The following SMARCC1 variants were observed in gnomAD, a reference collection of about 807,000 sequenced individuals.
SMARCC1 encodes SWI/SNF complex subunit SMARCC1.
Under a neutral mutation model 147.4 loss-of-function variants are expected in SMARCC1, and 43 were observed. That is an observed-to-expected ratio of 0.29 (90% confidence interval 0.23 to 0.38). SMARCC1 has a LOEUF of 0.38. SMARCC1 is among the 10% of genes least tolerant of loss of function. The probability of loss-of-function intolerance (pLI) is 1.00; values close to 1 mark genes in which losing one functional copy is unlikely to be tolerated. For synonymous variants in SMARCC1, 495 were observed against 484.4 expected, an observed-to-expected ratio of 1.02 and a Z score of -0.29; for missense variants, 1,119 against 1,381.1, an observed-to-expected ratio of 0.81 and a Z score of 3.01.
At chr3:47,597,129 C>T (rs895693541) in intron 26 of SMARCC1, among the ~76,000 whole-genome samples, 18 of 139,356 alleles carry the variant, frequency 1.3e-4, no homozygotes, top group African/African-American at 4.6e-4. Flanking sequence ...CTAGCCTGGG[C>T]GACAGGGCGA....
At chr3:47,709,133 T>C (rs1373576355) in intron 9 of SMARCC1, among the ~76,000 whole-genome samples, 1 of 151,940 alleles carries the variant, frequency 6.6e-6, no homozygotes. Flanking sequence ...TGGTGGCACG[T>C]GCCTGTAATC....
rs773029245 is a variant in SMARCC1, at chr3:47,706,423, C to T, written c.1026G>A (p.Lys342=). The stretch of plus-strand genomic sequence containing the variant: ...ATAGTTCTTACCCTTTCTTCCCACT[C>T]TTCTTCCGTGATTCTGTTGGTGTCG... ...PPPTPTESRK[K]SGKKGQASLY... Residue 342 remains lysine, a synonymous_variant, in exon 10 of 28, where the codon AAG becomes AAA. Transcript: ENST00000254480. 1 of 1,574,284 alleles carries T rather than the reference C, an allele frequency of 6.4e-7. No individual in the cohort carries two copies. The highest frequency in any genetic ancestry group is 8.6e-7 in the Non-Finnish European group (1 of 1,165,028).
At chr3:47,683,860 A>C (rs954658615) in intron 14 of SMARCC1, among the ~76,000 whole-genome samples, 12 of 152,210 alleles carry the variant, frequency 7.9e-5, no homozygotes, top group Non-Finnish European at 1.8e-4. Flanking sequence ...GTTTTTAAAA[A>C]AACAACAACA....
At chr3:47,677,401 GTT>G (rs34045811) in intron 16 of SMARCC1, among the ~76,000 whole-genome samples, 160 of 141,034 alleles carry the variant, frequency 1.1e-3, no homozygotes, top group Non-Finnish European at 1.0e-3. Context: ...ATGCCTGGCC[GTT>G]TTTTTTTTTT....
chr3:47,771,259 G>A (rs751338130), intron 2 of SMARCC1, among the ~76,000 whole-genome samples: 8 of 152,092 alleles, frequency 5.3e-5, no homozygotes, highest in Non-Finnish European at 1.0e-4. Flanking sequence ...GTTGTTAAAC[G>A]ATTTAGTGAT....
intron 26 of SMARCC1, among the ~76,000 whole-genome samples, chr3:47,592,164 G>A (rs1166184728): frequency 3.9e-5 from 6 of 152,138 alleles, no homozygotes; most frequent in Admixed American, 3.9e-4. Context: ...AATACCTCCT[G>A]TATTCAGTTT....
At chr3:47,606,504 A>T (rs889616165) in intron 26 of SMARCC1, among the ~76,000 whole-genome samples, 1 of 152,190 alleles carries the variant, frequency 6.6e-6, no homozygotes, top group Non-Finnish European at 1.5e-5. Flanking sequence ...TCAAAATCTC[A>T]TTTAGGGAAG....
chr3:47,643,489 A>G (rs1308980623), intron 21 of SMARCC1, among the ~76,000 whole-genome samples: 1 of 152,186 alleles, frequency 6.6e-6, no homozygotes, highest in African/African-American at 2.4e-5. Flanking sequence ...ATGTAACCAC[A>G]TGAATAAATC....
chr3:47,685,243 C>A (rs577296373), intron 14 of SMARCC1, among the ~76,000 whole-genome samples: 1 of 151,758 alleles, frequency 6.6e-6, no homozygotes, highest in Non-Finnish European at 1.5e-5. Flanking sequence ...TACAGTGTGT[C>A]TACATTGAAA....
intron 3 of SMARCC1, among the ~76,000 whole-genome samples, chr3:47,744,441 A>T (rs1192359320): frequency 6.6e-6 from 1 of 152,168 alleles, no homozygotes; most frequent in African/African-American, 2.4e-5. Flanking sequence ...GTAAATACAC[A>T]TGTAAGTTTG....
chr3:47,756,061 C>G (rs2106854971), intron 2 of SMARCC1, among the ~76,000 whole-genome samples: 1 of 147,350 alleles, frequency 6.8e-6, no homozygotes, highest in African/African-American at 2.5e-5. Flanking sequence ...CCAGCTACAG[C>G]CACTCAGGAA....
chr3:47,641,828 A>T (rs1008268469), intron 21 of SMARCC1, among the ~76,000 whole-genome samples: 1 of 152,214 alleles, frequency 6.6e-6, no homozygotes, highest in Admixed American at 6.5e-5. Context: ...GTTGAAGTGC[A>T]GTGGCGAGAC....
chr3:47,657,310 C>T (rs1280287945), intron 21 of SMARCC1, among the ~76,000 whole-genome samples: 1 of 152,072 alleles, frequency 6.6e-6, no homozygotes, highest in Admixed American at 6.6e-5. Flanking sequence ...TAGAATAGAC[C>T]ACATGTTAGG....
chr3:47,697,253 C>T (rs1260435719), intron 11 of SMARCC1, among the ~76,000 whole-genome samples: 2 of 150,920 alleles, frequency 1.3e-5, no homozygotes, highest in South Asian at 2.1e-4. Context: ...AGCAGCAAGA[C>T]GTGACTGCCA....
intron 17 of SMARCC1, among the ~76,000 whole-genome samples, chr3:47,676,143 T>G (rs976228010): frequency 1.3e-5 from 2 of 152,194 alleles, no homozygotes; most frequent in Non-Finnish European, 2.9e-5. Flanking sequence ...GGACAAAATT[T>G]ATACCTTAGG....
At chr3:47,689,590 C>T (rs2033767034) in intron 12 of SMARCC1, among the ~76,000 whole-genome samples, 166 bp from the exon 13 acceptor site, 1 of 152,156 alleles carries the variant, frequency 6.6e-6, no homozygotes, top group Admixed American at 6.5e-5. Flanking sequence ...GAATTCTACA[C>T]AGAAGCACAG....
intron 21 of SMARCC1, among the ~76,000 whole-genome samples, chr3:47,659,656 A>T (rs1576401864): frequency 6.7e-6 from 1 of 149,838 alleles, no homozygotes; most frequent in African/African-American, 2.5e-5. Flanking sequence ...AAAACTGTGC[A>T]TGTAGGGGTA....
At chr3:47,620,849 C>G (rs1437064799) in intron 25 of SMARCC1, among the ~76,000 whole-genome samples, 1 of 152,116 alleles carries the variant, frequency 6.6e-6, no homozygotes, top group East Asian at 1.9e-4. Flanking sequence ...TTGAAGAAGT[C>G]AGGGAATCAA....
At position 47,770,153 on chromosome 3, in the gene SMARCC1, G is replaced by A. The variant is rs536494821; in HGVS notation, c.315+2664C>T. ...TGAGGCAGGAGAATGGCATGAACCC[G>A]GTAGGCAGAACTTGCAGTGAGCTGA... is the stretch of plus-strand genomic sequence containing the variant. On this transcript the variant is annotated intron_variant, in intron 2 of 27. Transcript: ENST00000254480. Among the ~76,000 whole-genome samples the A allele has an allele frequency of 4.6e-5, 7 of 152,012 alleles. No homozygotes were observed. In the East Asian group the frequency reaches 9.7e-4, roughly 21 times the overall value.
Sources: gnomAD v4.1 joint callset for allele counts (sites outside exome capture counted in the v4.1 genomes callset) on GRCh38, gnomAD v4.1.1 for gene constraint, MANE v1.5 for transcripts, NCBI Gene and HGNC (gene_info 2026-07-23, HGNC 2026-07-21) for gene names.